Variants in KIAA1217 observed in about 807,000 individuals in gnomAD.
KIAA1217 encodes KIAA1217, also known as sickle tail protein homolog.
In KIAA1217, 88 loss-of-function variants were observed where a neutral mutation model predicts 163.9. The ratio of observed to expected loss-of-function variants is 0.54; its 90% CI spans 0.45 to 0.64. The LOEUF (loss-of-function observed/expected upper bound fraction) is 0.64. Ranked by LOEUF, KIAA1217 falls within the 30% of genes least tolerant of loss-of-function variation. KIAA1217 has a pLI of 0.00. For missense variants in KIAA1217, 2,372 were observed against 2,475.0 expected (o/e 0.96, Z 0.88); for synonymous variants, 903 against 923.1 (o/e 0.98, Z 0.39).
At chr10:24,396,354 GA>G (rs1224675390) in intron 3 of KIAA1217, among the ~76,000 whole-genome samples, 1 of 151,276 alleles carries the variant, frequency 6.6e-6, no homozygotes, top group Non-Finnish European at 1.5e-5. Flanking sequence ...AGAGAAAAAA[GA>G]AAAAAAATGC....
intron 5 of KIAA1217, among the ~76,000 whole-genome samples, chr10:24,448,219 T>A (rs1346673234): frequency 6.6e-6 from 1 of 151,534 alleles, no homozygotes; most frequent in African/African-American, 2.4e-5. Context: ...TCATCAGAAA[T>A]ACACAGTTAT....
intron 2 of KIAA1217, among the ~76,000 whole-genome samples, chr10:24,305,893 A>G (rs2132852763): frequency 6.6e-6 from 1 of 152,244 alleles, no homozygotes; most frequent in Admixed American, 6.5e-5. Flanking sequence ...TCAACATCTC[A>G]TTAGGAAAGA....
At chr10:24,202,001 A>G (rs12244146) in intron 2 of KIAA1217, among the ~76,000 whole-genome samples, 5,018 of 152,234 alleles carry the variant, frequency 0.033, 279 homozygotes, top group African/African-American at 0.11. Context: ...TGCAGGCTGC[A>G]CGCAGGCAGG....
intron 2 of KIAA1217, among the ~76,000 whole-genome samples, chr10:24,091,465 G>A (rs891323771): frequency 6.6e-6 from 1 of 151,794 alleles, no homozygotes; most frequent in East Asian, 1.9e-4. Context: ...CTAATTATCA[G>A]GAGTCATTGT....
chr10:23,714,819 G>A (rs1837471725), intron 1 of KIAA1217, among the ~76,000 whole-genome samples: 1 of 152,026 alleles, frequency 6.6e-6, no homozygotes, highest in South Asian at 2.1e-4. Flanking sequence ...GGAACTCATG[G>A]GCAGAAGCAT....
chr10:23,815,383 G>A (rs1053583969), intron 1 of KIAA1217, among the ~76,000 whole-genome samples: 9 of 152,164 alleles, frequency 5.9e-5, no homozygotes, highest in South Asian at 4.1e-4. Flanking sequence ...GGTGGCTCAC[G>A]CCTGTAATCC....
intron 2 of KIAA1217, among the ~76,000 whole-genome samples, chr10:24,119,326 C>T (rs2063186163): frequency 6.6e-6 from 1 of 152,188 alleles, no homozygotes; most frequent in African/African-American, 2.4e-5. Flanking sequence ...GTCGACTTCT[C>T]TGGAATATTT....
chr10:24,546,953 A>G lies in KIAA1217; in HGVS notation c.*629A>G, dbSNP rs1008544787. On this transcript the variant is annotated 3_prime_UTR_variant, in exon 21 of 21. Coordinates refer to ENST00000376454, the MANE Select transcript of KIAA1217 (RefSeq NM_019590.5). Reference sequence around the variant, plus strand: ...TACAGACAGGCATGTGTAGAAGGCAATTTATCAAACCTATTGCACTGCCAT... The same window carrying G: ...TACAGACAGGCATGTGTAGAAGGCAGTTTATCAAACCTATTGCACTGCCAT... The G allele has an allele frequency of 6.6e-6, 1 of 152,550 alleles. No individual in the cohort carries two copies. The highest frequency in any genetic ancestry group is 1.5e-5 in the Non-Finnish European group (1 of 68,012). The allele number at this position is 152,550 out of a possible 1,614,324, so 9.4% of individuals were successfully genotyped here.
At chr10:24,346,890 T>C (rs546183462) in intron 2 of KIAA1217, among the ~76,000 whole-genome samples, 101 of 152,266 alleles carry the variant, frequency 6.6e-4, no homozygotes, top group African/African-American at 2.4e-3. Context: ...TGGCTTTTAA[T>C]CAAGATAATA....
chr10:24,253,995 A>G (rs140333890), intron 2 of KIAA1217, among the ~76,000 whole-genome samples: 1 of 152,324 alleles, frequency 6.6e-6, no homozygotes, highest in South Asian at 2.1e-4. Context: ...CTATGCAATC[A>G]TGTCTGAAAC....
At chr10:24,178,639 G>A (rs1474204504) in intron 2 of KIAA1217, among the ~76,000 whole-genome samples, 1 of 152,212 alleles carries the variant, frequency 6.6e-6, no homozygotes, top group African/African-American at 2.4e-5. Context: ...GAGGAAAAGG[G>A]ACTCTTCTTA....
chr10:23,885,301 G>T (rs56295549), intron 1 of KIAA1217, among the ~76,000 whole-genome samples: 8,571 of 151,934 alleles, frequency 0.056, 351 homozygotes, highest in Non-Finnish European at 0.087. Flanking sequence ...TCTCTTAGCA[G>T]ATTTAAACTC....
At chr10:23,796,384 G>A (rs1588838565) in intron 1 of KIAA1217, among the ~76,000 whole-genome samples, 1 of 133,218 alleles carries the variant, frequency 7.5e-6, no homozygotes, top group Non-Finnish European at 1.6e-5. Context: ...TTTTAATTGA[G>A]ACGAAGTCTC....
intron 1 of KIAA1217, among the ~76,000 whole-genome samples, chr10:23,946,394 T>G (rs1007852688): frequency 2.6e-5 from 4 of 152,156 alleles, no homozygotes; most frequent in Non-Finnish European, 5.9e-5. Flanking sequence ...TCATTAGGGC[T>G]TCCTGATTTA....
chr10:24,390,475 GGGAAGGAAGGAA>G lies in KIAA1217; in HGVS notation c.553+9453_553+9464del, dbSNP rs71397945. Among the ~76,000 whole-genome samples the G allele has an allele frequency of 2.6e-3, 280 of 107,136 alleles. 1 individual carries two copies. The highest frequency in any genetic ancestry group is 4.7e-3 in the Middle Eastern group (1 of 212). The allele number at this position is 107,136 out of a possible 152,430, so 70.3% of individuals were successfully genotyped here. On this transcript the variant is annotated intron_variant, in intron 3 of 20. Transcript: ENST00000376454. ...GGGGAAAAAAGGAGGGAGGGAGGGA[GGGAAGGAAGGAA>G]GGAAGGAAGGAAGGAAGGAAGGAAG...
chr10:23,913,563 G>A (rs1842522748), intron 1 of KIAA1217, among the ~76,000 whole-genome samples: 1 of 152,042 alleles, frequency 6.6e-6, no homozygotes, highest in South Asian at 2.1e-4. Context: ...GATTGAATTA[G>A]AGGACCGGGG....
chr10:23,824,658 A>AAAAAATATATAT (rs1837805755), intron 1 of KIAA1217, among the ~76,000 whole-genome samples: 1 of 53,040 alleles, frequency 1.9e-5, no homozygotes, highest in Non-Finnish European at 3.6e-5. Context: ...AAATAAAAAA[A>AAAAAATATATAT]ATATATATAT....
intron 2 of KIAA1217, among the ~76,000 whole-genome samples, chr10:24,062,429 G>A (rs1488993309): frequency 6.6e-6 from 1 of 150,882 alleles, no homozygotes; most frequent in East Asian, 2.0e-4. Context: ...CAGAATGATG[G>A]TTTCCAGCTT....
At chr10:23,818,036 TACATATATATAC>T (rs1159005024) in intron 1 of KIAA1217, among the ~76,000 whole-genome samples, 1 of 122,860 alleles carries the variant, frequency 8.1e-6, no homozygotes, top group Non-Finnish European at 1.6e-5. Context: ...CACATATATA[TACATATATATAC>T]ACATATATAT....
Sources: gnomAD v4.1 joint callset for allele counts (sites outside exome capture counted in the v4.1 genomes callset) on GRCh38, gnomAD v4.1.1 for gene constraint, MANE v1.5 for transcripts, NCBI Gene and HGNC (gene_info 2026-07-23, HGNC 2026-07-21) for gene names.